Variants in AGAP1 observed in about 807,000 individuals in gnomAD.
AGAP1 encodes arf-GAP with GTPase, ANK repeat and PH domain-containing protein 1.
In AGAP1, 29 loss-of-function variants were observed where a neutral mutation model predicts 105.3. The observed-to-expected ratio is 0.28, with a 90% CI of 0.21 to 0.38. The LOEUF (loss-of-function observed/expected upper bound fraction) is 0.38, where lower values mean the gene tolerates loss of function less well. Ranked by LOEUF, AGAP1 falls within the 10% of genes least tolerant of loss-of-function variation. The pLI is 1.00. For missense variants in AGAP1, 998 were observed against 1,165.1 expected (o/e 0.86, Z 2.09); for synonymous variants, 509 against 485.9 (o/e 1.05, Z -0.63).
chr2:236,108,015 A>G (rs1353521811), intron 16 of AGAP1, among the ~76,000 whole-genome samples: 1 of 152,220 alleles, frequency 6.6e-6, no homozygotes, highest in Non-Finnish European at 1.5e-5. Context: ...ACTAGCATAA[A>G]TCCTTGTCCA....
At chr2:236,034,653 C>G (rs2057325044) in intron 13 of AGAP1, among the ~76,000 whole-genome samples, 1 of 152,174 alleles carries the variant, frequency 6.6e-6, no homozygotes. Flanking sequence ...TCTTCTCTCC[C>G]CTCCCACTCC....
chr2:236,043,204 C>T (rs550832423), intron 15 of AGAP1, among the ~76,000 whole-genome samples: 21 of 152,302 alleles, frequency 1.4e-4, no homozygotes, highest in East Asian at 5.8e-4. Context: ...TGGGGCCTTT[C>T]GACAATGTAT....
At chr2:235,640,150 C>T (rs556020557) in intron 1 of AGAP1, among the ~76,000 whole-genome samples, 5 of 152,204 alleles carry the variant, frequency 3.3e-5, no homozygotes, top group Non-Finnish European at 5.9e-5. Flanking sequence ...TGCTCTTAGT[C>T]AGAAACTCAC....
At chr2:235,680,888 T>C (rs970056946) in intron 1 of AGAP1, among the ~76,000 whole-genome samples, 1 of 152,120 alleles carries the variant, frequency 6.6e-6, no homozygotes, top group Non-Finnish European at 1.5e-5. Flanking sequence ...GAGCTGACAC[T>C]GGGACTGTGA....
In AGAP1 at chr2:236,073,907, C is replaced by G. The variant is rs183323992; in HGVS notation, c.2114+24626C>G. 6.6e-6 allele frequency among the ~76,000 whole-genome samples: 1 copy of G among 150,444 alleles called. No homozygotes were observed. On this transcript the variant is annotated intron_variant, in intron 16 of 17. Coordinates refer to ENST00000304032, the MANE Select transcript of AGAP1 (RefSeq NM_001037131.3). The surrounding 1 kb of genome is among the most constrained non-coding windows in gnomAD (Gnocchi z 5.4). ...GGTTGGCCTGGGCATGCCCCTCCCC[C>G]CAAGCATTTCCGCTGCACATCCCAG...
Position 235,750,612 on chromosome 2 carries a change from A to T in AGAP1, c.673+124A>T. 1 of 1,395,866 alleles carries T rather than the reference A, an allele frequency of 7.2e-7. No individual in the cohort carries two copies. Among genetic ancestry groups the T allele is most frequent in the Non-Finnish European group, 1.0e-6 (1 of 1,000,898 alleles). The allele number at this position is 1,395,866 out of a possible 1,614,324, so 86.5% of individuals were successfully genotyped here. ...AATATGTCGTTGATGGGTGGGCATT[A>T]GTATCGAGAGCAGTCCATTCCAGAG... On this transcript the variant is annotated intron_variant, in intron 6 of 17. Coordinates refer to ENST00000304032, the MANE Select transcript of AGAP1 (RefSeq NM_001037131.3). This position sits in a 1 kb window ranked among gnomAD's most constrained non-coding sequence, Gnocchi z 5.3.
At chr2:235,968,774 A>G in intron 13 of AGAP1, 151 bp downstream of exon 13, 1 of 781,072 alleles carries the variant, frequency 1.3e-6, no homozygotes, top group Non-Finnish European at 2.0e-6. Flanking sequence ...GTGGCACGAG[A>G]GGGCCCTTGG....
rs761087148 is a variant in AGAP1 at position 235,993,898 on chromosome 2, T to C, written c.1645+25275T>C. Among the ~76,000 whole-genome samples the C allele has an allele frequency of 1.3e-5, 2 of 152,158 alleles. No homozygotes were observed. The highest frequency in any genetic ancestry group is 2.9e-5 in the Non-Finnish European group (2 of 68,040). On this transcript the variant is annotated intron_variant, in intron 13 of 17. Coordinates refer to ENST00000304032, the MANE Select transcript of AGAP1 (RefSeq NM_001037131.3). This position sits in a 1 kb window ranked among gnomAD's most constrained non-coding sequence, Gnocchi z 5.0. Reference sequence around the variant, plus strand: ...TCCTGAGACCTCGTCACTTCTGATTTGGGAAAAGTCTGTGAGCAAATGGGA... The same window carrying C: ...TCCTGAGACCTCGTCACTTCTGATTCGGGAAAAGTCTGTGAGCAAATGGGA...
rs567421527 is a variant in AGAP1, at chr2:235,859,347, C to T, written c.1051-23998C>T. 8.8e-4 allele frequency among the ~76,000 whole-genome samples: 132 copies of T among 149,320 alleles called. 1 individual carries two copies. Among genetic ancestry groups the T allele is most frequent in the African/African-American group, 2.9e-3 (119 of 41,086 alleles). ...TGTGGGGAAATGGCCATTACTGGCC[C>T]GGTGAGAACCCCCATCCTGAAATCT... On this transcript the variant is annotated intron_variant, in intron 9 of 17. Coordinates refer to ENST00000304032, the MANE Select transcript of AGAP1 (RefSeq NM_001037131.3).
chr2:235,805,610 C>G (rs1957798472), intron 8 of AGAP1, among the ~76,000 whole-genome samples: 1 of 151,828 alleles, frequency 6.6e-6, no homozygotes, highest in South Asian at 2.1e-4. Flanking sequence ...AACTAGGAAC[C>G]TCAGGAGCCA....
At chr2:235,717,381 G>A (rs991995490) in intron 2 of AGAP1, among the ~76,000 whole-genome samples, 176 bp from the exon 3 acceptor site, 6 of 152,228 alleles carry the variant, frequency 3.9e-5, no homozygotes, top group African/African-American at 1.4e-4. Context: ...TTAATTAAGA[G>A]TGTTGGACTC....
chr2:235,703,372 G>A (rs992428472), intron 1 of AGAP1, among the ~76,000 whole-genome samples: 14 of 152,082 alleles, frequency 9.2e-5, no homozygotes, highest in Non-Finnish European at 1.9e-4. Context: ...ATCCTCCCCC[G>A]GCTGTGGCAC....
At chr2:235,946,152 C>G (rs1467390691) in intron 12 of AGAP1, among the ~76,000 whole-genome samples, 1 of 151,948 alleles carries the variant, frequency 6.6e-6, no homozygotes, top group Non-Finnish European at 1.5e-5. Flanking sequence ...TGCAGATAAG[C>G]TCTTTGGTTT....
intron 1 of AGAP1, among the ~76,000 whole-genome samples, chr2:235,696,556 G>A (rs918979832): frequency 3.3e-5 from 5 of 152,190 alleles, no homozygotes; most frequent in Admixed American, 2.0e-4. Context: ...GAGATGGTCC[G>A]TGTGGGTCAG....
chr2:235,981,978 G>A lies in AGAP1; in HGVS notation c.1645+13355G>A, dbSNP rs2055119283. ...TATAAAATAAGGGGTTTTATTATGG[G>A]TTATCTGAAGAGTGTTTCTTAATTT... On this transcript the variant is annotated intron_variant, in intron 13 of 17. Coordinates refer to ENST00000304032, the MANE Select transcript of AGAP1 (RefSeq NM_001037131.3). The surrounding 1 kb of genome is among the most constrained non-coding windows in gnomAD (Gnocchi z 5.5). Among the ~76,000 whole-genome samples, 2 of 152,118 alleles carry A rather than the reference G, an allele frequency of 1.3e-5. No individual in the cohort carries two copies. The highest frequency in any genetic ancestry group is 1.3e-4 in the Admixed American group (2 of 15,282).
intron 9 of AGAP1, among the ~76,000 whole-genome samples, chr2:235,810,008 T>C (rs1958046810): frequency 6.6e-6 from 1 of 152,084 alleles, no homozygotes; most frequent in South Asian, 2.1e-4. Context: ...AGGAAGTAGG[T>C]CCAAGGATTC....
At chr2:235,523,874 C>G (rs1270670653) in intron 1 of AGAP1, among the ~76,000 whole-genome samples, 1 of 151,926 alleles carries the variant, frequency 6.6e-6, no homozygotes, top group African/African-American at 2.4e-5. Flanking sequence ...GCTCACTCAC[C>G]ACCCTGTGAC....
intron 1 of AGAP1, among the ~76,000 whole-genome samples, chr2:235,643,457 A>AAAAAAAAAAAAAAAAAAAAAAAAAAAAAG (rs1553595203): frequency 7.8e-5 from 11 of 140,392 alleles, no homozygotes; most frequent in African/African-American, 2.2e-4. Flanking sequence ...AAAAAAAAAA[A>AAAAAAAAAAAAAAAAAAAAAAAAAAAAAG]AAAGAAAGAA....
In AGAP1 at chr2:235,833,116, G is replaced by C. The variant is rs552337673; in HGVS notation, c.1050+25785G>C. On this transcript the variant is annotated intron_variant, in intron 9 of 17. Transcript: ENST00000304032. ...AAGCCGGAGAGCAGCTGGCTCTGGA[G>C]GGGCACTGGCAGGACCCGAGGGTGC... 1.5e-4 allele frequency among the ~76,000 whole-genome samples: 23 copies of C among 152,346 alleles called. No homozygotes were observed. The East Asian group carries it at 4.4e-3, about 29-fold the overall frequency.
Sources: gnomAD v4.1 joint callset for allele counts (sites outside exome capture counted in the v4.1 genomes callset) on GRCh38, gnomAD v4.1.1 for gene constraint, Gnocchi (gnomAD v3.1) non-coding constraint, MANE v1.5 for transcripts, NCBI Gene and HGNC (gene_info 2026-07-23, HGNC 2026-07-21) for gene names.